The following KIDINS220 variants were observed in gnomAD, a reference collection of about 807,000 sequenced individuals.
KIDINS220 encodes the protein kinase D interacting substrate 220.
In KIDINS220, 63 loss-of-function variants were observed where a neutral mutation model predicts 157.6. The observed-to-expected ratio is 0.40, with a 90% confidence interval of 0.33 to 0.49. The LOEUF is 0.49. Among genes scored for constraint, KIDINS220 ranks in the 20% least tolerant of loss-of-function variants. The probability of loss-of-function intolerance (pLI) is 0.66; values close to 1 mark genes in which losing one functional copy is unlikely to be tolerated. For synonymous variants in KIDINS220, 732 were observed against 783.6 expected, an observed-to-expected ratio of 0.93 and a Z score of 1.10; for missense variants, 1,772 against 2,171.2, an observed-to-expected ratio of 0.82 and a Z score of 3.65.
chr2:8,791,405 A>G (rs898650860), intron 12 of KIDINS220, among the ~76,000 whole-genome samples, 181 bp from the exon 13 acceptor site: 12 of 152,244 alleles, frequency 7.9e-5, no homozygotes, highest in Non-Finnish European at 1.5e-4. Flanking sequence ...CTGATTTAAA[A>G]TTCAGAGATT....
In KIDINS220 at chr2:8,827,025, A is replaced by G. The variant is rs779752440; in HGVS notation, c.69T>C (p.Ala23=). 2.5e-6 allele frequency: 4 copies of G among 1,610,542 alleles called. No homozygotes were observed. In the South Asian group the frequency reaches 3.3e-5, roughly 13 times the overall value. ...VEEENIPALK[A]LLEKCKDVDE... ...CTACATCTTTGCATTTTTCAAGAAG[A>G]GCTTTCAGAGCAGGAATGTTTTCTT... The change falls in exon 2 of 30, where the codon GCT becomes GCC. Residue 23 remains alanine (A), a synonymous_variant. Coordinates refer to ENST00000256707, the MANE Select transcript of KIDINS220 (RefSeq NM_020738.4).
At chr2:8,734,184 G>A (rs937988284) in intron 28 of KIDINS220, among the ~76,000 whole-genome samples, 7 of 152,022 alleles carry the variant, frequency 4.6e-5, no homozygotes, top group African/African-American at 1.7e-4. Context: ...CTCTTGGTAC[G>A]CCGATGGCCA....
At chr2:8,749,271 C>G (rs539672819) in intron 24 of KIDINS220, 5 of 337,478 alleles carry the variant, frequency 1.5e-5, no homozygotes, top group African/African-American at 1.1e-4. Flanking sequence ...TGTATTTACA[C>G]AGGCAGTTTA....
intron 21 of KIDINS220, among the ~76,000 whole-genome samples, chr2:8,772,667 A>C (rs920982990): frequency 6.6e-6 from 1 of 152,202 alleles, no homozygotes; most frequent in African/African-American, 2.4e-5. Context: ...TTTTAATCTT[A>C]TCTTCCAAAA....
chr2:8,815,449 C>T (rs1348357073), intron 4 of KIDINS220, among the ~76,000 whole-genome samples: 2 of 151,676 alleles, frequency 1.3e-5, no homozygotes, highest in Non-Finnish European at 2.9e-5. Context: ...AGGAGGATCA[C>T]TTGAGGTCAG....
At chr2:8,752,813 AC>A (rs1203318940) in intron 22 of KIDINS220, among the ~76,000 whole-genome samples, 2 of 152,236 alleles carry the variant, frequency 1.3e-5, no homozygotes, top group Non-Finnish European at 2.9e-5. Context: ...AGAAAAACAG[AC>A]AGGAAAAAAC....
intron 13 of KIDINS220, 54 bp downstream of exon 13, chr2:8,791,006 C>A (rs898910913): frequency 2.7e-6 from 4 of 1,508,980 alleles, no homozygotes; most frequent in African/African-American, 2.8e-5. Context: ...CAGAAAAATC[C>A]CCAGAGAAAA....
At chr2:8,816,226 C>T (rs1465866297) in intron 4 of KIDINS220, among the ~76,000 whole-genome samples, 1 of 152,164 alleles carries the variant, frequency 6.6e-6, no homozygotes, top group Non-Finnish European at 1.5e-5. Flanking sequence ...TACATTTTTA[C>T]ACATTCATAA....
At position 8,729,586 on chromosome 2, in the gene KIDINS220, A is replaced by T. The variant is rs1663750358; in HGVS notation, c.*1134T>A. ...TTTTACAGTCACAGCACTTATATAG[A>T]TATATATATATATTTTACCCTTGCT... is the stretch of plus-strand genomic sequence containing the variant. On this transcript the variant is annotated 3_prime_UTR_variant, in exon 30 of 30. Coordinates refer to ENST00000256707, the MANE Select transcript of KIDINS220 (RefSeq NM_020738.4). 1.1e-6 allele frequency: 1 copy of T among 916,182 alleles called. No homozygotes were observed. Among genetic ancestry groups the T allele is most frequent in the Non-Finnish European group, 1.3e-6 (1 of 774,120 alleles). 56.8% of individuals were successfully genotyped at this position (916,182 alleles called of 1,614,324 possible). A position where few individuals can be genotyped will look rare whatever the true frequency, so the allele number is the denominator to read the frequency against.
chr2:8,827,401 C>T (rs1678965500), intron 1 of KIDINS220, among the ~76,000 whole-genome samples: 1 of 152,172 alleles, frequency 6.6e-6, no homozygotes, highest in Admixed American at 6.5e-5. Context: ...TGCTCCCCTG[C>T]TCCTCCTGCT....
At chr2:8,813,646 G>C (rs948061297) in intron 4 of KIDINS220, among the ~76,000 whole-genome samples, 1 of 152,190 alleles carries the variant, frequency 6.6e-6, no homozygotes, top group Non-Finnish European at 1.5e-5. Context: ...TCTTCAGGCT[G>C]GGTGCGGTGG....
chr2:8,768,384 A>G (rs1669751327), intron 22 of KIDINS220, among the ~76,000 whole-genome samples: 1 of 152,184 alleles, frequency 6.6e-6, no homozygotes, highest in South Asian at 2.1e-4. Context: ...CGTGGTTTAC[A>G]GAGGGGTCTA....
intron 10 of KIDINS220, 86 bp from the exon 11 acceptor site, chr2:8,796,955 T>G (rs1411510542): frequency 4.1e-6 from 4 of 967,872 alleles, no homozygotes; most frequent in Non-Finnish European, 6.7e-6. Flanking sequence ...AAGAAATATC[T>G]GACTCTGGTA....
At chr2:8,828,820 T>A (rs1679199616) in intron 1 of KIDINS220, among the ~76,000 whole-genome samples, 1 of 152,202 alleles carries the variant, frequency 6.6e-6, no homozygotes, top group African/African-American at 2.4e-5. Flanking sequence ...ATAACTGATA[T>A]CCCATGCCCA....
At chr2:8,757,312 G>T (rs753808836) in intron 22 of KIDINS220, 537 of 1,021,218 alleles carry the variant, frequency 5.3e-4, no homozygotes, top group Non-Finnish European at 6.1e-4. Flanking sequence ...CTACAACATA[G>T]AACACAATTG....
intron 3 of KIDINS220, 133 bp downstream of exon 3, chr2:8,818,562 C>A: frequency 7.2e-6 from 4 of 553,838 alleles, no homozygotes; most frequent in Admixed American, 3.5e-5. Flanking sequence ...TTAAAAAAAA[C>A]TGATATAGCC....
chr2:8,787,730 C>CT (rs200876517), intron 15 of KIDINS220, among the ~76,000 whole-genome samples: 2,940 of 144,116 alleles, frequency 0.02, 70 homozygotes, highest in East Asian at 0.13. Context: ...AACTTTCTAG[C>CT]TTTTTTTTTT....
intron 17 of KIDINS220, among the ~76,000 whole-genome samples, chr2:8,784,735 C>T (rs1264195637): frequency 6.6e-6 from 1 of 152,136 alleles, no homozygotes; most frequent in Non-Finnish European, 1.5e-5. Flanking sequence ...AACAGAATGG[C>T]CAAAATCCAG....
intron 2 of KIDINS220, among the ~76,000 whole-genome samples, chr2:8,821,612 G>C (rs1182499638): frequency 6.6e-6 from 1 of 152,190 alleles, no homozygotes; most frequent in Non-Finnish European, 1.5e-5. Flanking sequence ...CATCTAGCTT[G>C]TCATGTGAGA....
Sources: gnomAD v4.1 joint callset for allele counts (sites outside exome capture counted in the v4.1 genomes callset) on GRCh38, gnomAD v4.1.1 for gene constraint, MANE v1.5 for transcripts, NCBI Gene and HGNC (gene_info 2026-07-23, HGNC 2026-07-21) for gene names.